The following PTPRT variants were observed in gnomAD, a reference collection of about 807,000 sequenced individuals.
The protein encoded by PTPRT is protein tyrosine phosphatase receptor type T.
In PTPRT, 56 loss-of-function variants were observed where a neutral mutation model predicts 176.8. That is an observed-to-expected ratio of 0.32 (90% CI 0.26 to 0.40). The LOEUF (loss-of-function observed/expected upper bound fraction) is 0.40, where lower values mean the gene tolerates loss of function less well. PTPRT is among the 10% of genes least tolerant of loss of function. The probability of loss-of-function intolerance (pLI) is 1.00; values close to 1 mark genes in which losing one functional copy is unlikely to be tolerated. For synonymous variants in PTPRT, 783 were observed against 739.0 expected (o/e 1.06, Z -0.96); for missense variants, 1,540 against 1,908.2 (o/e 0.81, Z 3.60).
At chr20:42,949,281 T>C (rs1568695642) in intron 1 of PTPRT, among the ~76,000 whole-genome samples, 1 of 152,222 alleles carries the variant, frequency 6.6e-6, no homozygotes. Context: ...GTAGTAGTGA[T>C]GTTCTGGAAC....
chr20:42,610,379 G>GTTTTTTTTTTTTTTTTTTTTTTTT (rs74271793), intron 7 of PTPRT, among the ~76,000 whole-genome samples: 1 of 136,432 alleles, frequency 7.3e-6, no homozygotes, highest in Non-Finnish European at 1.6e-5. Context: ...TACTTGTTTT[G>GTTTTTTTTTTTTTTTTTTTTTTTT]TTTTTTTTTT....
chr20:42,700,253 C>T (rs919822758), intron 6 of PTPRT, among the ~76,000 whole-genome samples: 1 of 152,106 alleles, frequency 6.6e-6, no homozygotes, highest in African/African-American at 2.4e-5. Flanking sequence ...TTGCCCTTCT[C>T]GCCTGAGCTC....
At chr20:42,955,036 G>C (rs1981535075) in intron 1 of PTPRT, among the ~76,000 whole-genome samples, 1 of 151,818 alleles carries the variant, frequency 6.6e-6, no homozygotes. Flanking sequence ...TTACACAGAA[G>C]CTCATTCCCT....
chr20:42,937,105 C>T lies in PTPRT; in HGVS notation c.89-51173G>A, dbSNP rs201504406. On this transcript the variant is annotated intron_variant, in intron 1 of 30. Coordinates refer to ENST00000373187, the MANE Select transcript of PTPRT (RefSeq NM_007050.6). ...GAATCTCGGCTTTACACGTTATGTG[C>T]GCATATCATATTACTGTACAATAAC... is the stretch of plus-strand genomic sequence containing the variant. Among the ~76,000 whole-genome samples, 75 of 152,288 alleles carry T rather than the reference C, an allele frequency of 4.9e-4. 1 individual carries two copies. In the East Asian group the frequency reaches 8.7e-3, roughly 18 times the overall value.
intron 16 of PTPRT, among the ~76,000 whole-genome samples, chr20:42,162,487 C>T (rs1989646231): frequency 6.6e-6 from 1 of 152,190 alleles, no homozygotes; most frequent in Non-Finnish European, 1.5e-5. Flanking sequence ...TTCTTGCTTA[C>T]CACCTCCCTG....
intron 12 of PTPRT, among the ~76,000 whole-genome samples, chr20:42,285,413 A>C (rs1042443022): frequency 6.6e-6 from 1 of 152,064 alleles, no homozygotes; most frequent in African/African-American, 2.4e-5. Flanking sequence ...AATAGAGCAG[A>C]GGGCAAAGGT....
At chr20:42,531,624 G>C (rs144470871) in intron 7 of PTPRT, among the ~76,000 whole-genome samples, 68 of 152,288 alleles carry the variant, frequency 4.5e-4, no homozygotes, top group Non-Finnish European at 3.8e-4. Context: ...ACAAGTGGCT[G>C]TCAGTGGAAT....
At chr20:42,668,804 G>T (rs1162007302) in intron 7 of PTPRT, among the ~76,000 whole-genome samples, 1 of 149,502 alleles carries the variant, frequency 6.7e-6, no homozygotes, top group Non-Finnish European at 1.5e-5. Flanking sequence ...CCATTCTCCT[G>T]CCTCAGCCTC....
At chr20:42,808,007 G>A (rs766191930) in intron 2 of PTPRT, among the ~76,000 whole-genome samples, 62 of 152,304 alleles carry the variant, frequency 4.1e-4, no homozygotes, top group Non-Finnish European at 7.4e-4. Context: ...TCCAGGGACT[G>A]TGTCAGCTGC....
intron 9 of PTPRT, among the ~76,000 whole-genome samples, chr20:42,384,717 C>T (rs2058728099): frequency 6.6e-6 from 1 of 152,184 alleles, no homozygotes; most frequent in South Asian, 2.1e-4. Flanking sequence ...TACATCTCCA[C>T]CAACAGTGTG....
the PTPRT span, among the ~76,000 whole-genome samples, chr20:42,032,208 A>G: frequency 6.6e-6 from 1 of 152,064 alleles, no homozygotes; most frequent in African/African-American, 2.4e-5. Context: ...AGAGAAAGGG[A>G]TGGGGAGTGA....
rs117398527 is a variant in PTPRT, at chr20:42,374,252, G to C, written c.1561-21967C>G. 4.7e-4 allele frequency among the ~76,000 whole-genome samples: 71 copies of C among 152,294 alleles called. No homozygotes were observed. The East Asian group carries it at 0.013, about 28-fold the overall frequency. On this transcript the variant is annotated intron_variant, in intron 9 of 30. Transcript: ENST00000373187. ...TCAGAGGCAGGGTCTGCTGCCCTCT[G>C]AGGTTCAAGGAAAAGGTCAGGTGTG...
At chr20:42,233,829 G>A (rs2056184542) in intron 15 of PTPRT, among the ~76,000 whole-genome samples, 1 of 152,188 alleles carries the variant, frequency 6.6e-6, no homozygotes, top group African/African-American at 2.4e-5. Flanking sequence ...GCTGGTATGA[G>A]CTTCCTGCTC....
chr20:43,018,407 A>G (rs1223142868), intron 1 of PTPRT, among the ~76,000 whole-genome samples: 1 of 152,236 alleles, frequency 6.6e-6, no homozygotes, highest in Admixed American at 6.5e-5. Flanking sequence ...AACATAAAAC[A>G]TCTAAGAAGA....
At chr20:42,069,737 G>A (rs1982241481), downstream of PTPRT, among the ~76,000 whole-genome samples, 1 of 152,104 alleles carries the variant, frequency 6.6e-6, no homozygotes. Context: ...GTAATTCTCT[G>A]TATATGTCTC....
At chr20:42,994,361 T>G (rs6065561) in intron 1 of PTPRT, among the ~76,000 whole-genome samples, 32,149 of 152,102 alleles carry the variant, frequency 0.21, 3,578 homozygotes, top group Non-Finnish European at 0.24. Flanking sequence ...TCACCACTTG[T>G]GAGGTGCCAC....
At chr20:42,990,564 C>T (rs921678396) in intron 1 of PTPRT, among the ~76,000 whole-genome samples, 3 of 152,092 alleles carry the variant, frequency 2.0e-5, no homozygotes, top group African/African-American at 7.2e-5. Flanking sequence ...CTAGGTTTAC[C>T]TCTGTATCTC....
intron 7 of PTPRT, among the ~76,000 whole-genome samples, chr20:42,585,969 C>T (rs1214019273): frequency 6.6e-6 from 1 of 152,120 alleles, no homozygotes; most frequent in Admixed American, 6.5e-5. Flanking sequence ...TGAACACAAT[C>T]ACACACTATA....
intron 7 of PTPRT, among the ~76,000 whole-genome samples, chr20:42,610,847 C>A (rs1240441157): frequency 6.6e-6 from 1 of 152,228 alleles, no homozygotes; most frequent in Non-Finnish European, 1.5e-5. Flanking sequence ...CCCTTCACTT[C>A]CACACAAACT....
Sources: gnomAD v4.1 joint callset for allele counts (sites outside exome capture counted in the v4.1 genomes callset) on GRCh38, gnomAD v4.1.1 for gene constraint, MANE v1.5 for transcripts, NCBI Gene and HGNC (gene_info 2026-07-23, HGNC 2026-07-21) for gene names.